CLTCL1: variants seen among roughly 807,000 people sequenced by gnomAD.
CLTCL1 encodes clathrin heavy chain 2.
CLTCL1 carries 159 observed loss-of-function variants against 190.0 expected under a neutral mutation model. The observed-to-expected ratio is 0.84, with a 90% confidence interval of 0.74 to 0.95. CLTCL1 has a LOEUF of 0.95. CLTCL1 is among the 40% of genes least tolerant of loss of function. The pLI is 0.00. For missense variants in CLTCL1, 1,878 were observed against 2,033.4 expected, an observed-to-expected ratio of 0.92 and a Z score of 1.47; for synonymous variants, 752 against 769.6, an observed-to-expected ratio of 0.98 and a Z score of 0.38.
intron 18 of CLTCL1, among the ~76,000 whole-genome samples, chr22:19,217,591 G>A (rs1164017237): frequency 1.7e-5 from 2 of 120,308 alleles, no homozygotes; most frequent in African/African-American, 6.2e-5. Context: ...ACTCCAGCCT[G>A]AGTGACAAAG....
chr22:19,276,103 C>T (rs1486476364), intron 1 of CLTCL1, among the ~76,000 whole-genome samples: 2 of 152,008 alleles, frequency 1.3e-5, no homozygotes, highest in Admixed American at 6.6e-5. Context: ...GTGATACAGA[C>T]AGGAGGAGAT....
intron 24 of CLTCL1, among the ~76,000 whole-genome samples, chr22:19,199,110 G>C (rs1380402651): frequency 1.3e-5 from 2 of 152,174 alleles, no homozygotes; most frequent in Non-Finnish European, 2.9e-5. Flanking sequence ...TGGTGACACT[G>C]CTGAGCAGAG....
chr22:19,267,762 G>A (rs1804377762), intron 2 of CLTCL1, among the ~76,000 whole-genome samples: 1 of 152,090 alleles, frequency 6.6e-6, no homozygotes, highest in Non-Finnish European at 1.5e-5. Flanking sequence ...AGGCATGGTG[G>A]CAGGCACCTG....
intron 21 of CLTCL1, among the ~76,000 whole-genome samples, chr22:19,208,587 G>T (rs781916184): frequency 6.6e-6 from 1 of 151,954 alleles, no homozygotes; most frequent in African/African-American, 2.4e-5. Context: ...ACATCAGAGA[G>T]GTCGGTGCCA....
At chr22:19,253,868 A>G in intron 3 of CLTCL1, 91 bp downstream of exon 3, 2 of 1,476,396 alleles carry the variant, frequency 1.4e-6, no homozygotes, top group African/African-American at 1.4e-5. Flanking sequence ...ACCTGGCCCT[A>G]TAACCAACTT....
At chr22:19,230,278 A>G (rs1044453321) in intron 10 of CLTCL1, among the ~76,000 whole-genome samples, 1 of 151,812 alleles carries the variant, frequency 6.6e-6, no homozygotes, top group East Asian at 1.9e-4. Flanking sequence ...TAATTTTTCT[A>G]TTTTTAGTAG....
At chr22:19,191,022 C>T (rs980326150) in intron 27 of CLTCL1, among the ~76,000 whole-genome samples, 9 of 152,090 alleles carry the variant, frequency 5.9e-5, no homozygotes, top group Admixed American at 2.0e-4. Flanking sequence ...GTGATCCGCC[C>T]GCCTCGGCCT....
intron 11 of CLTCL1, 75 bp from the exon 12 acceptor site, chr22:19,226,458 C>T (rs1269982852): frequency 6.4e-7 from 1 of 1,565,288 alleles, no homozygotes; most frequent in African/African-American, 1.3e-5. Context: ...TCAATCTTGC[C>T]CCAGGGTAGG....
chr22:19,200,539 C>T (rs2084849274), intron 23 of CLTCL1, among the ~76,000 whole-genome samples: 1 of 152,198 alleles, frequency 6.6e-6, no homozygotes, highest in Admixed American at 6.5e-5. Context: ...AGTTGTAATG[C>T]ATACATTAAC....
chr22:19,195,307 G>A (rs114520575), intron 26 of CLTCL1, among the ~76,000 whole-genome samples: 4 of 152,106 alleles, frequency 2.6e-5, no homozygotes, highest in Non-Finnish European at 4.4e-5. Context: ...CCACTTTCAC[G>A]TACCACCATG....
chr22:19,191,662 C>G (rs1601455873), intron 26 of CLTCL1, among the ~76,000 whole-genome samples: 1 of 152,332 alleles, frequency 6.6e-6, no homozygotes, highest in East Asian at 1.9e-4. Context: ...GGGTTTCCTG[C>G]CTCAACCCAG....
chr22:19,285,086 T>C (rs2087857639), intron 1 of CLTCL1, among the ~76,000 whole-genome samples: 1 of 152,124 alleles, frequency 6.6e-6, no homozygotes. Flanking sequence ...CCATCCTTGC[T>C]AACACGGTGA....
chr22:19,264,119 C>A (rs1555976840), intron 2 of CLTCL1, among the ~76,000 whole-genome samples: 2 of 151,984 alleles, frequency 1.3e-5, no homozygotes, highest in East Asian at 1.9e-4. Context: ...CATGGCAAGA[C>A]CCTGTCTCTA....
rs1193266818 is a variant in CLTCL1, at chr22:19,243,699, T to TTC, written c.520-764_520-763insGA. Among the ~76,000 whole-genome samples the TTC allele has an allele frequency of 2.5e-3, 352 of 138,162 alleles. 2 individuals are homozygous for TTC. Among genetic ancestry groups the TTC allele is most frequent in the African/African-American group, 6.9e-3 (256 of 37,316 alleles). 90.6% of individuals were successfully genotyped at this position (138,162 alleles called of 152,430 possible). On this transcript the variant is annotated intron_variant, in intron 3 of 32. Coordinates refer to ENST00000427926, the MANE Select transcript of CLTCL1 (RefSeq NM_007098.4). Reference sequence around the variant, plus strand: ...ACTTGTATTTTCTTTCTTTCTTTCTTTTTTTTTTTTTTTTTTGTGATGGAG... The same window carrying TTC: ...ACTTGTATTTTCTTTCTTTCTTTCTTTCTTTTTTTTTTTTTTTTGTGATGGAG...
At position 19,229,858 on chromosome 22, in the gene CLTCL1, T is replaced by A. The variant is rs781985819; in HGVS notation, c.1762A>T (p.Asn588Tyr). 4 of 1,610,302 alleles carry A rather than the reference T, an allele frequency of 2.5e-6. No homozygotes were observed. The South Asian group carries it at 4.4e-5, about 18-fold the overall frequency. Residue 588 changes from asparagine to tyrosine, a missense_variant, in exon 11 of 33, where the codon AAC (asparagine) becomes TAC (tyrosine). Coordinates refer to ENST00000427926, the MANE Select transcript of CLTCL1 (RefSeq NM_007098.4). ...GLLQTWLLEMNLVHAPQVADA... is the reference protein window; with the variant it reads ...GLLQTWLLEMYLVHAPQVADA... The stretch of plus-strand genomic sequence containing the variant: ...CTGACCTGGGGTGCATGAACAAGGT[T>A]CATCTCCAACAGCCATGTCTGCAGG...
intron 1 of CLTCL1, among the ~76,000 whole-genome samples, chr22:19,284,704 C>T (rs1191868734): frequency 6.6e-6 from 1 of 151,924 alleles, no homozygotes; most frequent in African/African-American, 2.4e-5. Flanking sequence ...ACCTGTAATC[C>T]CAGCACTTTG....
chr22:19,256,828 A>G (rs897462198), intron 2 of CLTCL1, among the ~76,000 whole-genome samples: 1 of 152,192 alleles, frequency 6.6e-6, no homozygotes, highest in African/African-American at 2.4e-5. Flanking sequence ...GGTGGAAAAT[A>G]AAATGATGCT....
chr22:19,221,546 T>C lies in CLTCL1; in HGVS notation c.2627A>G (p.His876Arg), dbSNP rs1555952395. 6.2e-7 allele frequency: 1 copy of C among 1,605,792 alleles called. No homozygotes were observed. ...GATGTAGATTTTAGCCAGTGCATTG[T>C]GAGTGGCAGGCTCCTCACAGCCTTC... ...IQEGCEEPAT[H>R]NALAKIYIDS... is the part of the protein sequence containing the mutation. The change falls in exon 17 of 33, where the codon CAC becomes CGC. Residue 876 changes from histidine to arginine, a missense_variant. By Grantham distance (29) the His-to-Arg change is conservative. Transcript: ENST00000427926.
rs182856606 is a variant in CLTCL1 at position 19,232,960 on chromosome 22, G to A, written c.1521+206C>T. 3.6e-5 allele frequency: 22 copies of A among 607,982 alleles called. No homozygotes were observed. The South Asian group carries it at 3.7e-4, about 10-fold the overall frequency. The allele number at this position is 607,982 out of a possible 1,614,324, so 37.7% of individuals were successfully genotyped here. ...ACAAGATAAAGCTCCCAAATAAAAC[G>A]AAGATGGAAGGACTGGAAAACTAAG... On this transcript the variant is annotated intron_variant, in intron 9 of 32. Coordinates refer to ENST00000427926, the MANE Select transcript of CLTCL1 (RefSeq NM_007098.4).
Sources: gnomAD v4.1 joint callset for allele counts (sites outside exome capture counted in the v4.1 genomes callset) on GRCh38, gnomAD v4.1.1 for gene constraint, MANE v1.5 for transcripts, NCBI Gene and HGNC (gene_info 2026-07-23, HGNC 2026-07-21) for gene names.